Variants in LCORL observed in about 807,000 individuals in gnomAD.
LCORL encodes ligand-dependent nuclear receptor corepressor-like protein.
LCORL carries 41 observed loss-of-function variants against 141.8 expected under a neutral mutation model. That is an observed-to-expected ratio of 0.29 (90% confidence interval 0.23 to 0.38). LCORL has a LOEUF of 0.38. LCORL is among the 10% of genes least tolerant of loss of function. The pLI is 1.00. For synonymous variants in LCORL, 618 were observed against 694.1 expected (o/e 0.89, Z 1.72); for missense variants, 1,759 against 2,035.0 (o/e 0.86, Z 2.61).
chr4:18,017,949 C>T (rs7698644), intron 1 of LCORL, among the ~76,000 whole-genome samples: 36,960 of 151,850 alleles, frequency 0.24, 5,844 homozygotes, highest in African/African-American at 0.45. Context: ...TACTCTCAAA[C>T]TGTTCTGAAA....
chr4:17,911,196 T>A (rs1732459719), intron 4 of LCORL, among the ~76,000 whole-genome samples: 6 of 152,092 alleles, frequency 3.9e-5, no homozygotes, highest in Admixed American at 3.9e-4. Flanking sequence ...ATATTAATAG[T>A]CCAGTAAATG....
At position 17,873,454 on chromosome 4, in the gene LCORL, T is replaced by C. The variant is rs1726587037; in HGVS notation, c.5536A>G (p.Thr1846Ala). The change falls in exon 7 of 8, where the codon ACA becomes GCA. Residue 1846 changes from threonine (T) to alanine (A), a missense_variant. This residue lies in a region of LCORL where 313 missense variants were observed against 336.1 expected (regional missense o/e 0.93). Coordinates refer to ENST00000635767, the Ensembl canonical transcript of LCORL. The stretch of plus-strand genomic sequence containing the variant: ...CAAGACTGTCGTTTATGTCTTTTTG[T>C]TGACATTTCTGTGATCTTCCATGGT... 5 of 1,233,750 alleles carry C rather than the reference T, an allele frequency of 4.1e-6. No homozygotes were observed. The Admixed American group carries it at 1.3e-4, about 31-fold the overall frequency. The allele number at this position is 1,233,750 out of a possible 1,614,324, so 76.4% of individuals were successfully genotyped here.
At chr4:17,875,982 T>A in exon 7 of LCORL, 1 of 1,231,268 alleles carries the variant, frequency 8.1e-7, no homozygotes, top group East Asian at 3.2e-5. Context: ...TTCTGTTTTT[T>A]CTTCAGTTAC....
chr4:18,006,517 G>A (rs1336306067), intron 1 of LCORL, among the ~76,000 whole-genome samples: 1 of 152,246 alleles, frequency 6.6e-6, no homozygotes. Flanking sequence ...TGCTGATAAA[G>A]ACATACCCAA....
intron 2 of LCORL, 29 bp downstream of exon 2, chr4:17,972,791 C>G: frequency 1.6e-6 from 2 of 1,222,606 alleles, no homozygotes; most frequent in South Asian, 3.8e-5. Context: ...TGGGAAATGA[C>G]AACTTTTAAA....
chr4:17,950,075 ATTAC>A (rs2109530982), intron 4 of LCORL, among the ~76,000 whole-genome samples: 1 of 152,298 alleles, frequency 6.6e-6, no homozygotes, highest in South Asian at 2.1e-4. Flanking sequence ...ATAACTCAAC[ATTAC>A]TTTTTAAGTG....
rs751923855 is a variant in LCORL, at chr4:17,909,868, A to G, written c.431-523T>C. ...CAAGGATTTTCTTTTGATTTTTTAT[A>G]TAGAAAAATTTTGATTATAAATAAA... On this transcript the variant is annotated intron_variant, in intron 4 of 7. Transcript: ENST00000635767. Among the ~76,000 whole-genome samples, 6 of 152,258 alleles carry G rather than the reference A, an allele frequency of 3.9e-5. No homozygotes were observed. In the Middle Eastern group the frequency reaches 0.01, roughly 263 times the overall value.
chr4:17,947,163 T>G (rs1173882407), intron 4 of LCORL, among the ~76,000 whole-genome samples: 3 of 152,006 alleles, frequency 2.0e-5, no homozygotes, highest in Non-Finnish European at 4.4e-5. Flanking sequence ...TGTGTACATA[T>G]GTGTATGCGT....
At chr4:17,856,847 C>T (rs1490434314) in intron 7 of LCORL, among the ~76,000 whole-genome samples, 1 of 152,188 alleles carries the variant, frequency 6.6e-6, no homozygotes, top group Non-Finnish European at 1.5e-5. Context: ...ATTTCCCAGA[C>T]AACTCAACCT....
intron 4 of LCORL, among the ~76,000 whole-genome samples, chr4:17,956,047 T>C (rs765116202): frequency 6.6e-6 from 1 of 152,132 alleles, no homozygotes; most frequent in Non-Finnish European, 1.5e-5. Flanking sequence ...AACAGGCATA[T>C]GAAAAAAATG....
intron 1 of LCORL, among the ~76,000 whole-genome samples, chr4:18,011,803 T>C (rs1038671779): frequency 2.0e-5 from 3 of 152,252 alleles, no homozygotes; most frequent in Non-Finnish European, 2.9e-5. Context: ...CCACAAAGCC[T>C]AAAACATTTA....
intron 5 of LCORL, among the ~76,000 whole-genome samples, chr4:17,888,858 A>G (rs943756680): frequency 1.3e-5 from 2 of 152,078 alleles, no homozygotes; most frequent in African/African-American, 4.8e-5. Context: ...CTCATATTCA[A>G]GTTTATAACT....
chr4:17,965,412 T>A (rs1177770149), intron 2 of LCORL, among the ~76,000 whole-genome samples: 2 of 152,150 alleles, frequency 1.3e-5, no homozygotes, highest in Admixed American at 6.6e-5. Flanking sequence ...TTCATTTTAA[T>A]CTCTCAAACA....
intron 4 of LCORL, among the ~76,000 whole-genome samples, chr4:17,939,114 C>A (rs1370595736): frequency 6.6e-6 from 1 of 152,162 alleles, no homozygotes; most frequent in Non-Finnish European, 1.5e-5. Flanking sequence ...TAAAAATGAG[C>A]AAATGACTTG....
intron 7 of LCORL, among the ~76,000 whole-genome samples, chr4:17,863,766 T>C (rs928909704): frequency 3.3e-5 from 5 of 152,148 alleles, no homozygotes; most frequent in East Asian, 3.9e-4. Context: ...AATGGTAGAA[T>C]AGGTAAAGAA....
At chr4:17,990,642 G>GTT (rs979642708) in intron 1 of LCORL, among the ~76,000 whole-genome samples, 5,612 of 131,270 alleles carry the variant, frequency 0.043, 223 homozygotes, top group African/African-American at 0.097. Flanking sequence ...TCCCATCTTG[G>GTT]TTTTTTTTTT....
chr4:17,874,316 T>A (rs1577301039), exon 7 of LCORL: 2 of 1,233,958 alleles, frequency 1.6e-6, no homozygotes, highest in Middle Eastern at 2.1e-4. Context: ...AGAGTGCAAA[T>A]TTTTTAAAGT....
At chr4:17,949,208 C>T (rs939555187) in intron 4 of LCORL, among the ~76,000 whole-genome samples, 1 of 152,046 alleles carries the variant, frequency 6.6e-6, no homozygotes, top group Non-Finnish European at 1.5e-5. Context: ...CTACTCTCAT[C>T]TTTTGACTAC....
rs553990602 is a variant in LCORL, at chr4:18,013,128, C to A, written c.154+8470G>T. 2.6e-5 allele frequency among the ~76,000 whole-genome samples: 4 copies of A among 152,244 alleles called. No homozygotes were observed. The East Asian group carries it at 5.8e-4, about 22-fold the overall frequency. ...TTCATGGTACTTGACATCTCATCAACACGTAACAATCCCTCCTTATTGTAA... is the reference window on the plus strand; with the variant it reads ...TTCATGGTACTTGACATCTCATCAAAACGTAACAATCCCTCCTTATTGTAA... On this transcript the variant is annotated intron_variant, in intron 1 of 7. Coordinates refer to ENST00000635767, the Ensembl canonical transcript of LCORL.
Sources: gnomAD v4.1 joint callset for allele counts (sites outside exome capture counted in the v4.1 genomes callset) on GRCh38, gnomAD v4.1.1 for gene constraint, gnomAD v4.1.1 regional missense constraint, MANE v1.5 for transcripts, NCBI Gene and HGNC (gene_info 2026-07-23, HGNC 2026-07-21) for gene names.